The following DOCK5 variants were observed in gnomAD, a reference collection of about 807,000 sequenced individuals.
DOCK5 encodes the protein dedicator of cytokinesis 5.
DOCK5 carries 142 observed loss-of-function variants against 251.8 expected under a neutral mutation model. The ratio of observed to expected loss-of-function variants is 0.56; its 90% CI spans 0.49 to 0.65. The LOEUF is 0.65. Among genes scored for constraint, DOCK5 ranks in the 30% least tolerant of loss-of-function variants. The pLI is 0.00. For synonymous variants in DOCK5, 842 were observed against 835.5 expected (o/e 1.01, Z -0.13); for missense variants, 2,111 against 2,312.3 (o/e 0.91, Z 1.79).
At chr8:25,341,622 C>T in intron 23 of DOCK5, 117 bp from the exon 24 acceptor site, 1 of 803,718 alleles carries the variant, frequency 1.2e-6, no homozygotes, top group Non-Finnish European at 2.0e-6. Flanking sequence ...GTAAGGGTAT[C>T]TGTGTCCAGT....
At chr8:25,257,326 T>C (rs1322428685) in intron 2 of DOCK5, among the ~76,000 whole-genome samples, 1 of 152,152 alleles carries the variant, frequency 6.6e-6, no homozygotes, top group African/African-American at 2.4e-5. Flanking sequence ...ACCAGAATTA[T>C]TGATGCTCTT....
At chr8:25,387,517 T>C (rs1483838507) in intron 40 of DOCK5, among the ~76,000 whole-genome samples, 2 of 152,242 alleles carry the variant, frequency 1.3e-5, no homozygotes, top group Non-Finnish European at 2.9e-5. Context: ...TTCCTTCTTC[T>C]GCTCAGTCCA....
intron 1 of DOCK5, among the ~76,000 whole-genome samples, chr8:25,202,971 G>C (rs1801914976): frequency 6.6e-6 from 1 of 152,214 alleles, no homozygotes; most frequent in African/African-American, 2.4e-5. Flanking sequence ...TACTGTGTAA[G>C]ATAAAGAGTC....
chr8:25,309,521 C>A (rs943469513), intron 12 of DOCK5, among the ~76,000 whole-genome samples: 15 of 152,084 alleles, frequency 9.9e-5, no homozygotes, highest in Non-Finnish European at 1.6e-4. Context: ...AATGTCGACC[C>A]TAGATAATAA....
rs547193025 is a variant in DOCK5 at position 25,392,374 on chromosome 8, C to T, written c.4440+394C>T. On this transcript the variant is annotated intron_variant, in intron 43 of 51. Coordinates refer to ENST00000276440, the MANE Select transcript of DOCK5 (RefSeq NM_024940.8). ...CTTCCACCTACCTAACCAGCTTCCA[C>T]AGGAGAAACGATGGCACCCCTGGGA... is the stretch of plus-strand genomic sequence containing the variant. Among the ~76,000 whole-genome samples, 10 of 151,166 alleles carry T rather than the reference C, an allele frequency of 6.6e-5. No homozygotes were observed. In the South Asian group the frequency reaches 2.1e-3, roughly 32 times the overall value.
At chr8:25,381,339 A>G (rs1320171200) in intron 39 of DOCK5, among the ~76,000 whole-genome samples, 2 of 152,100 alleles carry the variant, frequency 1.3e-5, no homozygotes, top group Non-Finnish European at 2.9e-5. Context: ...AATTTCATCA[A>G]CTGGGCTGGG....
intron 5 of DOCK5, among the ~76,000 whole-genome samples, chr8:25,285,391 T>C: frequency 6.6e-6 from 1 of 152,106 alleles, no homozygotes. Flanking sequence ...GGTGATCTGC[T>C]CGCCTTGGCC....
chr8:25,312,766 A>AAG (rs1177855052), intron 13 of DOCK5, among the ~76,000 whole-genome samples: 1 of 151,094 alleles, frequency 6.6e-6, no homozygotes, highest in African/African-American at 2.4e-5. Context: ...CGTCTCAAAA[A>AAG]AAAAAAAAAA....
At chr8:25,348,685 A>G (rs1009600741) in intron 26 of DOCK5, among the ~76,000 whole-genome samples, 2 of 152,054 alleles carry the variant, frequency 1.3e-5, no homozygotes, top group African/African-American at 4.8e-5. Context: ...TAAAAATACA[A>G]AAATTAGCTG....
At chr8:25,400,727 G>A (rs761324766) in intron 46 of DOCK5, among the ~76,000 whole-genome samples, 24 of 152,082 alleles carry the variant, frequency 1.6e-4, no homozygotes, top group Non-Finnish European at 3.1e-4. Context: ...GGGCCAACCT[G>A]TATTCTTGGT....
intron 4 of DOCK5, chr8:25,277,217 G>A (rs2666157): frequency 0.68 from 105,029 of 153,568 alleles, 38,244 homozygotes; most frequent in Non-Finnish European, 0.82. Context: ...TCTTTGGAAC[G>A]TAATTTTCTT....
At chr8:25,323,714 T>C (rs977945407) in intron 16 of DOCK5, 134 bp from the exon 17 acceptor site, 30 of 927,696 alleles carry the variant, frequency 3.2e-5, no homozygotes, top group Non-Finnish European at 4.5e-5. Flanking sequence ...ACGTGGCTTA[T>C]TGCAGTTTGC....
At chr8:25,246,683 A>G (rs1208454678) in intron 2 of DOCK5, among the ~76,000 whole-genome samples, 3 of 114,078 alleles carry the variant, frequency 2.6e-5, no homozygotes, top group African/African-American at 1.0e-4. Context: ...TGACCTGGTA[A>G]TTCTTCACTG....
chr8:25,366,456 C>CAGG (rs1800776309), intron 30 of DOCK5, among the ~76,000 whole-genome samples: 1 of 152,184 alleles, frequency 6.6e-6, no homozygotes, highest in Non-Finnish European at 1.5e-5. Flanking sequence ...CACTGTACTC[C>CAGG]AGCCTGGGCA....
chr8:25,253,271 T>C (rs1342208308), intron 2 of DOCK5, among the ~76,000 whole-genome samples: 3 of 152,250 alleles, frequency 2.0e-5, no homozygotes, highest in Non-Finnish European at 4.4e-5. Context: ...GCAGCTCCTA[T>C]GCACCTAAGG....
At chr8:25,246,314 G>A (rs187453416) in intron 2 of DOCK5, among the ~76,000 whole-genome samples, 68 of 152,066 alleles carry the variant, frequency 4.5e-4, no homozygotes, top group African/African-American at 1.3e-3. Flanking sequence ...TTGCTCTGTC[G>A]CCCAGGTGGA....
chr8:25,345,398 G>A (rs1422088637), intron 25 of DOCK5, 77 bp from the exon 26 acceptor site: 13 of 1,576,726 alleles, frequency 8.2e-6, no homozygotes, highest in Non-Finnish European at 1.0e-5. Context: ...ACTGGTCGAG[G>A]AAGAGTTGCA....
At chr8:25,375,711 C>T (rs1800951756) in intron 37 of DOCK5, 1 of 984,472 alleles carries the variant, frequency 1.0e-6, no homozygotes, top group Non-Finnish European at 1.2e-6. Flanking sequence ...TGGGCATTGT[C>T]CGAACATATG....
rs71517812 is a variant in DOCK5, at chr8:25,285,151, A to T, written c.321+6486A>T. The stretch of plus-strand genomic sequence containing the variant: ...TGTTGAATCAAGTGAATTTATTATT[A>T]TTTTTTTTTTTGAGATGTAGTTTCA... On this transcript the variant is annotated intron_variant, in intron 5 of 51. Transcript: ENST00000276440. Among the ~76,000 whole-genome samples the T allele has an allele frequency of 5.1e-3, 745 of 146,292 alleles. 3 individuals carry two copies. The highest frequency in any genetic ancestry group is 0.012 in the African/African-American group (453 of 38,696).
Sources: allele counts gnomAD v4.1 joint callset (sites outside exome capture counted in the v4.1 genomes callset), GRCh38; gene constraint gnomAD v4.1.1; transcripts MANE v1.5; gene names NCBI Gene and HGNC (gene_info 2026-07-23, HGNC 2026-07-21).